The following GNG4 variants were observed in gnomAD, a reference collection of about 807,000 sequenced individuals.
GNG4 encodes G protein subunit gamma 4.
Under a neutral mutation model 5.8 loss-of-function variants are expected in GNG4, and 4 were observed. The ratio of observed to expected loss-of-function variants is 0.69; its 90% confidence interval spans 0.34 to 1.57. The LOEUF (loss-of-function observed/expected upper bound fraction) is 1.57. GNG4 is among the 40% of genes most tolerant of loss of function. GNG4 has a pLI of 0.06. For missense variants in GNG4, 96 were observed against 95.1 expected, an observed-to-expected ratio of 1.01 and a Z score of -0.04; for synonymous variants, 29 against 32.9, an observed-to-expected ratio of 0.88 and a Z score of 0.41.
Position 235,548,651 on chromosome 1 carries a change from C to T in GNG4, c.*3458G>A, listed in dbSNP as rs555869552. 12 of 152,366 alleles carry T rather than the reference C, an allele frequency of 7.9e-5. No individual in the cohort carries two copies. Among genetic ancestry groups the T allele is most frequent in the African/African-American group, 2.6e-4 (11 of 41,552 alleles). 9.4% of individuals were successfully genotyped at this position (152,366 alleles called of 1,614,324 possible). On this transcript the variant is annotated 3_prime_UTR_variant, in exon 4 of 4. Transcript: ENST00000391854. ...TGCCTGAGAGACAGGAAATACTTCC[C>T]TTCTTCAGCTTCCACGGTGGGTACT...
chr1:235,612,929 C>T (rs138622459), intron 1 of GNG4, among the ~76,000 whole-genome samples: 66 of 152,184 alleles, frequency 4.3e-4, no homozygotes, highest in Non-Finnish European at 6.3e-4. Flanking sequence ...CTTTTCTGGG[C>T]GGCAGACTGT....
At chr1:235,569,731 C>A (rs530463917) in intron 3 of GNG4, among the ~76,000 whole-genome samples, 11 of 152,062 alleles carry the variant, frequency 7.2e-5, no homozygotes, top group Middle Eastern at 3.4e-3. Context: ...CTACGCCCAG[C>A]TCATTTTTGT....
intron 1 of GNG4, among the ~76,000 whole-genome samples, chr1:235,618,864 C>T (rs1339727867): frequency 2.0e-5 from 3 of 151,332 alleles, no homozygotes; most frequent in South Asian, 2.1e-4. Flanking sequence ...CCATGTTGGC[C>T]GGGCTGGTCT....
rs112809723 is a variant in GNG4 at position 235,593,403 on chromosome 1, G to A, written c.-11+1997C>T. On this transcript the variant is annotated intron_variant, in intron 2 of 3. Coordinates refer to ENST00000391854, the MANE Select transcript of GNG4 (RefSeq NM_001098722.2). Reference sequence around the variant, plus strand: ...TACTTAGAATTTCTGGAAGCCAAATGTCATTGTGCCTTTGCAGCCATCCTC... The same window carrying A: ...TACTTAGAATTTCTGGAAGCCAAATATCATTGTGCCTTTGCAGCCATCCTC... Among the ~76,000 whole-genome samples the A allele has an allele frequency of 1.8e-3, 279 of 152,330 alleles. 1 individual carries two copies. The highest frequency in any genetic ancestry group is 6.1e-3 in the African/African-American group (255 of 41,570).
chr1:235,587,243 G>GGGTGC (rs1423800120), intron 2 of GNG4, among the ~76,000 whole-genome samples: 11 of 146,694 alleles, frequency 7.5e-5, no homozygotes, highest in South Asian at 2.2e-4. Flanking sequence ...GTGTGAGGTG[G>GGGTGC]GGTGTGTGTG....
intron 2 of GNG4, among the ~76,000 whole-genome samples, chr1:235,595,074 GA>G (rs148838266): frequency 0.028 from 4,215 of 152,230 alleles, 205 homozygotes; most frequent in African/African-American, 0.097. Flanking sequence ...TTCCCACAGG[GA>G]AGCACACAGC....
At chr1:235,577,106 C>T (rs1687502214) in intron 3 of GNG4, among the ~76,000 whole-genome samples, 1 of 152,202 alleles carries the variant, frequency 6.6e-6, no homozygotes, top group Non-Finnish European at 1.5e-5. Flanking sequence ...CTTCCTTCCT[C>T]CTTAGAAACT....
chr1:235,623,342 G>C (rs74148729), intron 1 of GNG4, among the ~76,000 whole-genome samples: 1 of 152,060 alleles, frequency 6.6e-6, no homozygotes, highest in Admixed American at 6.6e-5. Flanking sequence ...CTACCTGCAC[G>C]GCCACCGCTG....
intron 1 of GNG4, among the ~76,000 whole-genome samples, chr1:235,596,243 C>G (rs966259914): frequency 5.5e-5 from 8 of 146,246 alleles, no homozygotes; most frequent in Admixed American, 4.1e-4. Flanking sequence ...CACACACACA[C>G]ACACACACAC....
At position 235,550,517 on chromosome 1, in the gene GNG4, T is replaced by A. The variant is rs1686715369; in HGVS notation, c.*1592A>T. ...CTCAGTTTCCCCTCACTCTAAGACA[T>A]ACGGCCGGGTGCACTGGCTCACACC... On this transcript the variant is annotated 3_prime_UTR_variant, in exon 4 of 4. Coordinates refer to ENST00000391854, the MANE Select transcript of GNG4 (RefSeq NM_001098722.2). The A allele has an allele frequency of 7.0e-6, 1 of 143,010 alleles. No individual in the cohort carries two copies. Among genetic ancestry groups the A allele is most frequent in the Admixed American group, 7.0e-5 (1 of 14,370 alleles). 8.9% of individuals were successfully genotyped at this position (143,010 alleles called of 1,614,324 possible).
At chr1:235,570,764 C>T (rs981077652) in intron 3 of GNG4, among the ~76,000 whole-genome samples, 3 of 151,690 alleles carry the variant, frequency 2.0e-5, no homozygotes, top group Admixed American at 6.6e-5. Context: ...GCCGCAATCT[C>T]GGCTCTCTGC....
intron 3 of GNG4, among the ~76,000 whole-genome samples, chr1:235,564,805 C>T (rs1687152909): frequency 6.6e-6 from 1 of 152,092 alleles, no homozygotes; most frequent in Admixed American, 6.5e-5. Flanking sequence ...TCTGCCTCAG[C>T]CCCCCGAGTA....
chr1:235,587,554 T>G (rs1349195668), intron 2 of GNG4, among the ~76,000 whole-genome samples: 22 of 632 alleles, frequency 0.035, no homozygotes, highest in Non-Finnish European at 0.041. Context: ...TGGGTTGGGG[T>G]TGTGAATGTG....
intron 3 of GNG4, among the ~76,000 whole-genome samples, chr1:235,576,059 ACT>A (rs1491126872): frequency 1.8e-5 from 2 of 110,816 alleles, no homozygotes; most frequent in African/African-American, 7.8e-5. Context: ...TCATATATGT[ACT>A]TTTTTTTTTT....
chr1:235,624,278 T>A (rs983008218), intron 1 of GNG4, among the ~76,000 whole-genome samples: 1 of 140,798 alleles, frequency 7.1e-6, no homozygotes, highest in African/African-American at 2.7e-5. Context: ...AATTTTTGTA[T>A]TTTTTTTTTT....
chr1:235,599,937 A>G (rs1468352923), intron 1 of GNG4, among the ~76,000 whole-genome samples: 2 of 152,008 alleles, frequency 1.3e-5, no homozygotes, highest in African/African-American at 4.8e-5. Flanking sequence ...TCTTCCATCC[A>G]ACGCTTGAAA....
At chr1:235,553,958 G>C (rs141486655) in intron 3 of GNG4, among the ~76,000 whole-genome samples, 228 of 152,270 alleles carry the variant, frequency 1.5e-3, no homozygotes, top group Non-Finnish European at 2.5e-3. Flanking sequence ...TCCTAAAAAC[G>C]TGTATGTTGA....
intron 2 of GNG4, among the ~76,000 whole-genome samples, chr1:235,594,660 C>T (rs555234648): frequency 2.0e-4 from 30 of 152,342 alleles, no homozygotes; most frequent in Non-Finnish European, 3.7e-4. Flanking sequence ...CCGGGGCTTG[C>T]GGGCCGGCCG....
intron 3 of GNG4, among the ~76,000 whole-genome samples, chr1:235,576,858 C>T (rs1687495769): frequency 6.6e-6 from 1 of 152,160 alleles, no homozygotes; most frequent in African/African-American, 2.4e-5. Flanking sequence ...ATATCCCCTA[C>T]TGAAGTCTAT....
Sources: allele counts gnomAD v4.1 joint callset (sites outside exome capture counted in the v4.1 genomes callset), GRCh38; gene constraint gnomAD v4.1.1; transcripts MANE v1.5; gene names NCBI Gene and HGNC (gene_info 2026-07-23, HGNC 2026-07-21).